ADAMTSL1: variants seen among roughly 807,000 people sequenced by gnomAD.
The protein encoded by ADAMTSL1 is ADAMTS like 1.
A neutral mutation model predicts 201.8 loss-of-function variants in ADAMTSL1; 126 were observed. The observed-to-expected ratio is 0.62, with a 90% CI of 0.54 to 0.72. The LOEUF (loss-of-function observed/expected upper bound fraction) is 0.72. Ranked by LOEUF, ADAMTSL1 falls within the 30% of genes least tolerant of loss-of-function variation. The pLI is 0.00. For synonymous variants in ADAMTSL1, 1,121 were observed against 903.4 expected, an observed-to-expected ratio of 1.24 and a Z score of -4.32; for missense variants, 2,679 against 2,277.8, an observed-to-expected ratio of 1.18 and a Z score of -3.59.
chr9:18,074,994 A>T (rs564166862), intron 1 of ADAMTSL1, among the ~76,000 whole-genome samples: 3 of 152,018 alleles, frequency 2.0e-5, no homozygotes, highest in African/African-American at 7.2e-5. Context: ...TTTTATACCT[A>T]TATTCCTTAT....
chr9:18,451,866 T>G (rs911479150), intron 2 of ADAMTSL1, among the ~76,000 whole-genome samples: 4 of 152,228 alleles, frequency 2.6e-5, no homozygotes, highest in Admixed American at 1.3e-4. Flanking sequence ...TGGTGGAAGA[T>G]GCAAAGGCAA....
intron 19 of ADAMTSL1, among the ~76,000 whole-genome samples, chr9:18,790,673 C>A (rs140469860): frequency 1.3e-5 from 2 of 152,104 alleles, no homozygotes; most frequent in Non-Finnish European, 2.9e-5. Context: ...TGCACCCTCT[C>A]GGCTGGTCCT....
intron 1 of ADAMTSL1, among the ~76,000 whole-genome samples, chr9:18,072,831 T>C (rs1040260443): frequency 6.6e-6 from 1 of 152,224 alleles, no homozygotes; most frequent in Non-Finnish European, 1.5e-5. Context: ...CAGGAACTGA[T>C]GTGTAGAATT....
chr9:17,940,635 G>T (rs541672031), intron 1 of ADAMTSL1, among the ~76,000 whole-genome samples: 1 of 148,390 alleles, frequency 6.7e-6, no homozygotes, highest in African/African-American at 2.5e-5. Flanking sequence ...GAGGGGGTTT[G>T]CATTATAAAT....
chr9:17,961,339 C>G (rs1160341408), intron 1 of ADAMTSL1, among the ~76,000 whole-genome samples: 1 of 152,112 alleles, frequency 6.6e-6, no homozygotes, highest in Non-Finnish European at 1.5e-5. Flanking sequence ...ACCTCCACCT[C>G]CCGGGTTCAA....
At chr9:18,775,440 A>T (rs1820919410) in intron 17 of ADAMTSL1, among the ~76,000 whole-genome samples, 1 of 152,220 alleles carries the variant, frequency 6.6e-6, no homozygotes, top group African/African-American at 2.4e-5. Context: ...GTAACTTGCC[A>T]ACTAGTGAAA....
intron 14 of ADAMTSL1, among the ~76,000 whole-genome samples, chr9:18,709,296 T>A (rs1054841942): frequency 2.0e-5 from 3 of 152,248 alleles, no homozygotes; most frequent in African/African-American, 7.2e-5. Context: ...AGTAACATTT[T>A]ACTGTATTAT....
chr9:18,689,648 G>A (rs951045242), intron 13 of ADAMTSL1, among the ~76,000 whole-genome samples: 2 of 152,194 alleles, frequency 1.3e-5, no homozygotes, highest in African/African-American at 2.4e-5. Context: ...GGGAAGCCAG[G>A]TTCTTCCAGA....
intron 15 of ADAMTSL1, among the ~76,000 whole-genome samples, chr9:18,736,248 T>G (rs1818494739): frequency 6.6e-6 from 1 of 152,088 alleles, no homozygotes; most frequent in Non-Finnish European, 1.5e-5. Flanking sequence ...TTTCGGGGGT[T>G]AGGGAGCATA....
chr9:18,452,700 A>G lies in ADAMTSL1; in HGVS notation c.208-52129A>G, dbSNP rs141873446. Among the ~76,000 whole-genome samples the G allele has an allele frequency of 5.1e-4, 77 of 152,352 alleles. 1 individual carries two copies. In the East Asian group the frequency reaches 0.013, roughly 26 times the overall value. ...AAGAAGAAAGGGGTTGCTGCCTCCA[A>G]ATAAGTCTGAAACCCAACAGGGAAG... On this transcript the variant is annotated intron_variant, in intron 2 of 29. Coordinates refer to the ADAMTSL1 transcript ENST00000680146.
intron 2 of ADAMTSL1, among the ~76,000 whole-genome samples, chr9:18,370,765 G>T (rs1020484565): frequency 6.6e-6 from 1 of 150,896 alleles, no homozygotes; most frequent in South Asian, 2.1e-4. Flanking sequence ...TATGAGCCAG[G>T]CACAACTTTC....
intron 2 of ADAMTSL1, among the ~76,000 whole-genome samples, chr9:18,399,318 T>TATATATAC (rs1554672313): frequency 0.02 from 1,984 of 100,718 alleles, 147 homozygotes; most frequent in South Asian, 0.033. Flanking sequence ...TATATATATA[T>TATATATAC]ATATATATAT....
intron 1 of ADAMTSL1, among the ~76,000 whole-genome samples, chr9:18,489,415 C>T (rs1030112332): frequency 2.6e-5 from 4 of 152,084 alleles, no homozygotes; most frequent in Admixed American, 6.6e-5. Context: ...GATGATCATC[C>T]GATCCTGTTA....
chr9:17,943,130 CAG>C (rs1233927789), intron 1 of ADAMTSL1, among the ~76,000 whole-genome samples: 1 of 151,990 alleles, frequency 6.6e-6, no homozygotes, highest in East Asian at 1.9e-4. Context: ...TCTCTTTTGA[CAG>C]AGTCTCACTA....
intron 1 of ADAMTSL1, among the ~76,000 whole-genome samples, chr9:17,970,841 G>T (rs1818178734): frequency 6.6e-6 from 1 of 151,936 alleles, no homozygotes; most frequent in African/African-American, 2.4e-5. Flanking sequence ...TCTTTTCCCT[G>T]TGAAACTCCA....
intron 2 of ADAMTSL1, among the ~76,000 whole-genome samples, chr9:18,279,029 T>A (rs1284990264): frequency 6.6e-6 from 1 of 152,198 alleles, no homozygotes; most frequent in Admixed American, 6.5e-5. Flanking sequence ...TTTTTATGAT[T>A]TCTCCCTCTT....
At chr9:18,367,680 T>A (rs1342940576) in intron 2 of ADAMTSL1, among the ~76,000 whole-genome samples, 1 of 152,092 alleles carries the variant, frequency 6.6e-6, no homozygotes, top group Non-Finnish European at 1.5e-5. Context: ...TACATACTAT[T>A]ATTATCACCA....
chr9:18,622,104 T>G (rs927881283), intron 4 of ADAMTSL1, 139 bp from the exon 5 acceptor site: 2 of 1,085,000 alleles, frequency 1.8e-6, no homozygotes, highest in Non-Finnish European at 2.6e-6. Flanking sequence ...TAAATTCCAG[T>G]TGAATTCAGT....
chr9:18,243,837 C>T (rs1162159350), intron 2 of ADAMTSL1, among the ~76,000 whole-genome samples: 2 of 152,032 alleles, frequency 1.3e-5, no homozygotes, highest in South Asian at 4.1e-4. Context: ...AACCCATCTT[C>T]CCAGGGAAGA....
Sources: gnomAD v4.1 joint callset for allele counts (sites outside exome capture counted in the v4.1 genomes callset) on GRCh38, gnomAD v4.1.1 for gene constraint, MANE v1.5 for transcripts, NCBI Gene and HGNC (gene_info 2026-07-23, HGNC 2026-07-21) for gene names.